The following OSGIN1 variants were observed in gnomAD, a reference collection of about 807,000 sequenced individuals.
The protein encoded by OSGIN1 is oxidative stress-induced growth inhibitor 1.
Under a neutral mutation model 20.1 loss-of-function variants are expected in OSGIN1, and 19 were observed. That is an observed-to-expected ratio of 0.95 (90% CI 0.66 to 1.39). The LOEUF (loss-of-function observed/expected upper bound fraction) is 1.39, where lower values mean the gene tolerates loss of function less well. OSGIN1 is among the 40% of genes most tolerant of loss of function. The pLI is 0.00. For missense variants in OSGIN1, 820 were observed against 653.0 expected, an observed-to-expected ratio of 1.26 and a Z score of -2.79; for synonymous variants, 368 against 297.8, an observed-to-expected ratio of 1.24 and a Z score of -2.43.
chr16:83,956,707 A>G (rs1908946977), intron 1 of OSGIN1, among the ~76,000 whole-genome samples: 1 of 152,202 alleles, frequency 6.6e-6, no homozygotes, highest in Admixed American at 6.5e-5. Flanking sequence ...GAGAAAAAGC[A>G]TGTCAAATAC....
chr16:83,956,533 G>A (rs1436776036), intron 1 of OSGIN1, among the ~76,000 whole-genome samples: 4 of 152,168 alleles, frequency 2.6e-5, no homozygotes, highest in African/African-American at 9.7e-5. Flanking sequence ...CGAGTGGTGT[G>A]GGTGGTGGCA....
At chr16:83,961,221 G>T (rs1173345291) in intron 5 of OSGIN1, 149 bp downstream of exon 5, 1 of 626,690 alleles carries the variant, frequency 1.6e-6, no homozygotes, top group African/African-American at 1.8e-5. Context: ...CTAATGACAT[G>T]TGCCCAAGGT....
chr16:83,959,287 C>T lies in OSGIN1; in HGVS notation c.95C>T (p.Ser32Phe). 1.2e-6 allele frequency: 2 copies of T among 1,613,810 alleles called. No homozygotes were observed. The highest frequency in any genetic ancestry group is 2.2e-5 in the South Asian group (2 of 91,066). The change falls in exon 3 of 6, where the codon TCC (serine) becomes TTC (phenylalanine). Residue 32 changes from serine to phenylalanine, a missense_variant. Coordinates refer to ENST00000393306, the MANE Select transcript of OSGIN1 (RefSeq NM_182981.3). ...VGNGPSGICL[S>F]YLLSGYTPYT... The stretch of plus-strand genomic sequence containing the variant: ...AACGGCCCCTCTGGTATCTGCCTGT[C>T]CTACCTGCTCTCCGGCTACACACCC...
In OSGIN1 at chr16:83,965,452, G is replaced by A. The variant is rs766527071; in HGVS notation, c.879G>A (p.Ala293=). ...PASDPVLIIG[A]GLSAADAVLY... Reference sequence around the variant, plus strand: ...CAGACCCTGTCCTCATCATTGGCGCGGGGCTGTCAGCGGCCGACGCGGTCC... The same window carrying A: ...CAGACCCTGTCCTCATCATTGGCGCAGGGCTGTCAGCGGCCGACGCGGTCC... Residue 293 remains alanine, a synonymous_variant, in exon 6 of 6, where the codon GCG becomes GCA. Transcript: ENST00000393306. 2.7e-5 allele frequency: 43 copies of A among 1,599,136 alleles called. No homozygotes were observed. In the Middle Eastern group the frequency reaches 6.6e-4, roughly 25 times the overall value.
intron 5 of OSGIN1, among the ~76,000 whole-genome samples, chr16:83,963,290 A>T (rs2084236815): frequency 6.6e-6 from 1 of 152,196 alleles, no homozygotes; most frequent in Non-Finnish European, 1.5e-5. Context: ...TTCACATTGT[A>T]TCCCAAGCGT....
intron 1 of OSGIN1, chr16:83,954,809 T>A (rs1212310449): frequency 2.2e-6 from 2 of 913,188 alleles, no homozygotes. Context: ...CAGCCAGTTC[T>A]GATTCCTCAT....
chr16:83,965,297 G>A lies in OSGIN1; in HGVS notation c.724G>A (p.Val242Met), dbSNP rs376605145. 3.0e-5 allele frequency: 48 copies of A among 1,598,870 alleles called. No individual in the cohort carries two copies. Among genetic ancestry groups the A allele is most frequent in the Middle Eastern group, 1.7e-4 (1 of 5,990 alleles). ...GCCCTTCTCGCTGTGGGCCCGCAAC[G>A]TGGTCCTCGCCACAGGCACGTTCGA... is the stretch of plus-strand genomic sequence containing the variant. ...QQPFSLWARN[V>M]VLATGTFDSP... Residue 242 changes from valine (V) to methionine (M), a missense_variant, in exon 6 of 6, where the codon GTG becomes ATG. Physicochemically the swap from Val to Met is conservative, Grantham distance 21 (BLOSUM62 1). Coordinates refer to ENST00000393306, the MANE Select transcript of OSGIN1 (RefSeq NM_182981.3).
At chr16:83,955,306 A>G (rs1203631651) in intron 1 of OSGIN1, among the ~76,000 whole-genome samples, 2 of 152,178 alleles carry the variant, frequency 1.3e-5, no homozygotes, top group Non-Finnish European at 2.9e-5. Flanking sequence ...ATCCCTTCCC[A>G]GCCAGAACAC....
At chr16:83,959,201 A>G (rs1909082110) in intron 2 of OSGIN1, 59 bp from the exon 3 acceptor site, 1 of 1,260,860 alleles carries the variant, frequency 7.9e-7, no homozygotes, top group Admixed American at 1.8e-5. Context: ...AAAGCCCTCC[A>G]CAGTAGTGTC....
At position 83,965,888 on chromosome 16, in the gene OSGIN1, C is replaced by A. The variant is rs763009325; in HGVS notation, c.1315C>A (p.Gln439Lys). Residue 439 changes from glutamine to lysine, a missense_variant, in exon 6 of 6, where the codon CAG (glutamine) becomes AAG (lysine). Gln to Lys is a moderately conservative substitution (Grantham distance 53, BLOSUM62 1). Coordinates refer to ENST00000393306, the MANE Select transcript of OSGIN1 (RefSeq NM_182981.3). ...CCCCTTCACCTACCAGAGCACCCGC[C>A]AGGAGGGCCTGTACGCCATGGGGCC... is the stretch of plus-strand genomic sequence containing the variant. ...VDPFTYQSTR[Q>K]EGLYAMGPLA... The A allele has an allele frequency of 6.2e-7, 1 of 1,612,918 alleles. No homozygotes were observed. Among genetic ancestry groups the A allele is most frequent in the Admixed American group, 1.7e-5 (1 of 60,026 alleles).
intron 2 of OSGIN1, among the ~76,000 whole-genome samples, chr16:83,958,607 G>A (rs947405632): frequency 2.6e-5 from 4 of 152,212 alleles, no homozygotes; most frequent in East Asian, 1.9e-4. Flanking sequence ...CGAATCAGAC[G>A]AGATAAGAAG....
chr16:83,962,712 G>A (rs2084230857), intron 5 of OSGIN1, among the ~76,000 whole-genome samples: 1 of 152,206 alleles, frequency 6.6e-6, no homozygotes, highest in Non-Finnish European at 1.5e-5. Flanking sequence ...GTCCAGAGGC[G>A]GGACAACTCC....
chr16:83,963,823 G>A (rs1287859199), intron 5 of OSGIN1, among the ~76,000 whole-genome samples: 2 of 149,206 alleles, frequency 1.3e-5, no homozygotes, highest in South Asian at 2.1e-4. Flanking sequence ...GATACAGGAA[G>A]GTGCTAGAAT....
At chr16:83,959,206 A>G (rs1909082441) in intron 2 of OSGIN1, 54 bp from the exon 3 acceptor site, 1 of 1,312,518 alleles carries the variant, frequency 7.6e-7, no homozygotes, top group Non-Finnish European at 1.1e-6. Context: ...CCTCCACAGT[A>G]GTGTCCCCCA....
chr16:83,954,114 T>A (rs905851986), intron 1 of OSGIN1: 8 of 152,272 alleles, frequency 5.3e-5, no homozygotes, highest in African/African-American at 1.9e-4. Flanking sequence ...CCCTCCTAGG[T>A]GACCTGGGGC....
chr16:83,957,724 C>A lies in OSGIN1; in HGVS notation c.53C>A (p.Pro18Gln), dbSNP rs375497585. 6.3e-7 allele frequency: 1 copy of A among 1,595,940 alleles called. No individual in the cohort carries two copies. The highest frequency in any genetic ancestry group is 1.3e-5 in the African/African-American group (1 of 74,516). Residue 18 changes from proline to glutamine, a missense_variant, in exon 2 of 6, where the codon CCG (proline) becomes CAG (glutamine). Physicochemically the swap from Pro to Gln is moderately conservative, Grantham distance 76. Coordinates refer to ENST00000393306, the MANE Select transcript of OSGIN1 (RefSeq NM_182981.3). The stretch of plus-strand genomic sequence containing the variant: ...GGCGCCAGCAGCTCAGAGCCCCTCC[C>A]GGTCATCATTGTGGGTGAGTGTCAG... Reference protein sequence around the residue: ...HLGASSSEPLPVIIVGNGPSG... With the variant: ...HLGASSSEPLQVIIVGNGPSG...
chr16:83,957,662 C>CAA lies in OSGIN1; in HGVS notation c.-10_-9insAA. The CAA allele has an allele frequency of 6.3e-7, 1 of 1,599,970 alleles. No homozygotes were observed. On this transcript the variant is annotated 5_prime_UTR_variant, in exon 2 of 6. Coordinates refer to ENST00000393306, the MANE Select transcript of OSGIN1 (RefSeq NM_182981.3). Reference sequence around the variant, plus strand: ...CAGGTCCGCTGCCAGCCCCAAGCCCCCCACCAGCCATGAGCTCCTCCAGAA... The same window carrying CAA: ...CAGGTCCGCTGCCAGCCCCAAGCCCCAACCACCAGCCATGAGCTCCTCCAGAA...
At chr16:83,964,921 G>C in intron 5 of OSGIN1, 141 bp from the exon 6 acceptor site, 2 of 647,042 alleles carry the variant, frequency 3.1e-6, no homozygotes, top group Non-Finnish European at 2.7e-6. Context: ...GGCTTAGAGA[G>C]GTTGAATTAC....
At chr16:83,960,476 G>A (rs560780158) in intron 3 of OSGIN1, 93 bp from the exon 4 acceptor site, 74 of 981,032 alleles carry the variant, frequency 7.5e-5, no homozygotes, top group East Asian at 6.2e-4. Flanking sequence ...GAAATGGCCC[G>A]GCCCCAGTCC....
Sources: allele counts gnomAD v4.1 joint callset (sites outside exome capture counted in the v4.1 genomes callset), GRCh38; gene constraint gnomAD v4.1.1; transcripts MANE v1.5; gene names NCBI Gene and HGNC (gene_info 2026-07-23, HGNC 2026-07-21).